The following KCNT2 variants were observed in gnomAD, a reference collection of about 807,000 sequenced individuals.
KCNT2 encodes potassium sodium-activated channel subfamily T member 2.
A neutral mutation model predicts 153.8 loss-of-function variants in KCNT2; 67 were observed. The ratio of observed to expected loss-of-function variants is 0.44; its 90% CI spans 0.36 to 0.53. The LOEUF is 0.53. KCNT2 is among the 20% of genes least tolerant of loss of function. The pLI, the probability that KCNT2 is intolerant of heterozygous loss-of-function variation, is 0.00. For missense variants in KCNT2, 975 were observed against 1,354.8 expected (o/e 0.72, Z 4.40); for synonymous variants, 500 against 458.8 (o/e 1.09, Z -1.15).
At chr1:196,411,933 T>A (rs1164355539) in intron 12 of KCNT2, among the ~76,000 whole-genome samples, 3 of 151,790 alleles carry the variant, frequency 2.0e-5, no homozygotes, top group Non-Finnish European at 4.4e-5. Context: ...TATATTGAGA[T>A]GGGAATATAT....
At chr1:196,284,490 T>TA (rs1033399562) in intron 23 of KCNT2, among the ~76,000 whole-genome samples, 2 of 151,282 alleles carry the variant, frequency 1.3e-5, no homozygotes, top group Admixed American at 6.6e-5. Flanking sequence ...ATACTGTGGC[T>TA]AAAAAAATCT....
chr1:196,272,113 G>C (rs543678696), intron 25 of KCNT2, among the ~76,000 whole-genome samples: 2 of 152,012 alleles, frequency 1.3e-5, no homozygotes, highest in East Asian at 3.9e-4. Context: ...TAAAAGGAGA[G>C]GGCAAGATTT....
chr1:196,263,859 T>C (rs1657264094), intron 25 of KCNT2, among the ~76,000 whole-genome samples: 1 of 152,170 alleles, frequency 6.6e-6, no homozygotes, highest in Admixed American at 6.5e-5. Context: ...GTTATTTCCA[T>C]CTCCTTTTTA....
chr1:196,327,431 C>T (rs1452028747), intron 18 of KCNT2, among the ~76,000 whole-genome samples: 1 of 151,856 alleles, frequency 6.6e-6, no homozygotes, highest in African/African-American at 2.4e-5. Context: ...AAAACAAGAA[C>T]AAAGCATTAC....
chr1:196,508,705 C>T (rs1022762834), intron 1 of KCNT2, among the ~76,000 whole-genome samples: 18 of 152,096 alleles, frequency 1.2e-4, no homozygotes, highest in Non-Finnish European at 2.4e-4. Flanking sequence ...ACCTCATTAG[C>T]ACTCAGGAAA....
intron 1 of KCNT2, among the ~76,000 whole-genome samples, chr1:196,592,516 A>G (rs1275483545): frequency 6.8e-6 from 1 of 147,576 alleles, no homozygotes; most frequent in East Asian, 1.9e-4. Context: ...ATATAAATAT[A>G]TTAATATATA....
At chr1:196,440,160 G>A (rs1047262846) in intron 8 of KCNT2, among the ~76,000 whole-genome samples, 1 of 151,966 alleles carries the variant, frequency 6.6e-6, no homozygotes. Context: ...TTAATATTTT[G>A]TTTGGTTTTA....
chr1:196,423,805 C>T (rs1673416874), intron 11 of KCNT2, among the ~76,000 whole-genome samples: 2 of 151,316 alleles, frequency 1.3e-5, no homozygotes, highest in South Asian at 4.2e-4. Context: ...CCAAACAGTT[C>T]TGGGAAAATG....
At chr1:196,483,807 G>C (rs143872331) in intron 3 of KCNT2, among the ~76,000 whole-genome samples, 1 of 152,188 alleles carries the variant, frequency 6.6e-6, no homozygotes, top group African/African-American at 2.4e-5. Context: ...AGTTCCATAA[G>C]ATAAAATAAC....
At chr1:196,565,766 A>G (rs1299012458) in intron 1 of KCNT2, among the ~76,000 whole-genome samples, 2 of 151,784 alleles carry the variant, frequency 1.3e-5, no homozygotes, top group African/African-American at 2.4e-5. Flanking sequence ...GGAATCTACA[A>G]AAGTTAAACC....
chr1:196,386,837 T>C (rs1325620386), intron 13 of KCNT2, among the ~76,000 whole-genome samples: 3 of 152,092 alleles, frequency 2.0e-5, no homozygotes, highest in South Asian at 2.1e-4. Context: ...TGAGAATTTG[T>C]TATGAATGAA....
At chr1:196,307,419 T>G (rs1466342706) in intron 21 of KCNT2, among the ~76,000 whole-genome samples, 5 of 152,102 alleles carry the variant, frequency 3.3e-5, no homozygotes. Flanking sequence ...AGAATCATTC[T>G]CTCCAGTTTG....
intron 27 of KCNT2, among the ~76,000 whole-genome samples, chr1:196,231,773 A>G (rs941003611): frequency 6.6e-6 from 1 of 151,874 alleles, no homozygotes; most frequent in Non-Finnish European, 1.5e-5. Context: ...GGAAACAGGT[A>G]ATGAATGACC....
At chr1:196,459,869 C>A (rs2148646897) in intron 8 of KCNT2, among the ~76,000 whole-genome samples, 1 of 151,910 alleles carries the variant, frequency 6.6e-6, no homozygotes, top group Middle Eastern at 3.4e-3. Context: ...ATCTTGCCCT[C>A]TAACCCCTTA....
intron 1 of KCNT2, among the ~76,000 whole-genome samples, chr1:196,519,199 G>A (rs1653014252): frequency 6.6e-6 from 1 of 152,090 alleles, no homozygotes; most frequent in Non-Finnish European, 1.5e-5. Flanking sequence ...AATGACTTTG[G>A]AGTAAACAAT....
chr1:196,458,826 C>T (rs1485018342), intron 8 of KCNT2, among the ~76,000 whole-genome samples: 1 of 151,826 alleles, frequency 6.6e-6, no homozygotes, highest in Non-Finnish European at 1.5e-5. Context: ...CTTAATATCC[C>T]ATATACTCCC....
At chr1:196,341,463 C>T (rs139693155) in intron 15 of KCNT2, among the ~76,000 whole-genome samples, 1 of 151,906 alleles carries the variant, frequency 6.6e-6, no homozygotes, top group African/African-American at 2.4e-5. Context: ...CTGTACATTA[C>T]ATAATAGATT....
At chr1:196,462,844 G>A (rs1473939014) in intron 8 of KCNT2, among the ~76,000 whole-genome samples, 2 of 151,748 alleles carry the variant, frequency 1.3e-5, no homozygotes, top group African/African-American at 4.8e-5. Context: ...CCAGTCTCCA[G>A]TTGTTTTTTC....
At chr1:196,476,998 C>T (rs181436700) in intron 5 of KCNT2, among the ~76,000 whole-genome samples, 38 of 152,184 alleles carry the variant, frequency 2.5e-4, no homozygotes, top group Non-Finnish European at 2.1e-4. Flanking sequence ...AGCAAATGTG[C>T]TTTTATATGA....
Sources: gnomAD v4.1 joint callset for allele counts (sites outside exome capture counted in the v4.1 genomes callset) on GRCh38, gnomAD v4.1.1 for gene constraint, MANE v1.5 for transcripts, NCBI Gene and HGNC (gene_info 2026-07-23, HGNC 2026-07-21) for gene names.